SAG: variants seen among roughly 807,000 people sequenced by gnomAD.
SAG encodes the protein S-antigen visual arrestin.
Under a neutral mutation model 55.0 loss-of-function variants are expected in SAG, and 45 were observed. The observed-to-expected ratio is 0.82, with a 90% CI of 0.64 to 1.05. The LOEUF (loss-of-function observed/expected upper bound fraction) is 1.05. SAG is among the 50% of genes least tolerant of loss of function. The probability of loss-of-function intolerance (pLI) is 0.00; values close to 1 mark genes in which losing one functional copy is unlikely to be tolerated. For synonymous variants in SAG, 189 were observed against 197.4 expected, an observed-to-expected ratio of 0.96 and a Z score of 0.36; for missense variants, 455 against 512.1, an observed-to-expected ratio of 0.89 and a Z score of 1.08.
At chr2:233,324,745 T>A (rs1437569923) in intron 6 of SAG, among the ~76,000 whole-genome samples, 1 of 151,902 alleles carries the variant, frequency 6.6e-6, no homozygotes, top group Non-Finnish European at 1.5e-5. Context: ...AGCCACTGGG[T>A]CTGGGATTCA....
At chr2:233,338,429 G>T in intron 11 of SAG, 1 of 532,830 alleles carries the variant, frequency 1.9e-6, no homozygotes. Context: ...ACAGAGAAGG[G>T]GGTTGCATGC....
chr2:233,312,345 G>C (rs990103165), intron 2 of SAG, among the ~76,000 whole-genome samples: 1 of 152,074 alleles, frequency 6.6e-6, no homozygotes, highest in African/African-American at 2.4e-5. Flanking sequence ...TCCCCTTGCC[G>C]ATCCATTCTC....
rs1700114100 is a variant in SAG at position 233,312,872 on chromosome 2, C to A, written c.76-3203C>A. On this transcript the variant is annotated intron_variant, in intron 2 of 15. Coordinates refer to ENST00000409110, the MANE Select transcript of SAG (RefSeq NM_000541.5). Reference sequence around the variant, plus strand: ...TCCCCTCAGGCTTCCTCCCCACCAGCCTTTGCCCTGGCATTTATTCCAGGG... The same window carrying A: ...TCCCCTCAGGCTTCCTCCCCACCAGACTTTGCCCTGGCATTTATTCCAGGG... Among the ~76,000 whole-genome samples, 3 of 152,196 alleles carry A rather than the reference C, an allele frequency of 2.0e-5. 1 individual carries two copies. The South Asian group carries it at 6.2e-4, about 32-fold the overall frequency.
chr2:233,329,436 A>T (rs1283197463), intron 8 of SAG, 57 bp from the exon 9 acceptor site: 22 of 1,068,720 alleles, frequency 2.1e-5, no homozygotes, highest in Non-Finnish European at 2.5e-5. Context: ...AAGCAGTAAG[A>T]TTAAAGACAC....
Position 233,320,825 on chromosome 2 carries a change from TG to T in SAG, c.375+5del. 1 of 1,582,210 alleles carries T rather than the reference TG, an allele frequency of 6.3e-7. No individual in the cohort carries two copies. Among genetic ancestry groups the T allele is most frequent in the Non-Finnish European group, 8.6e-7 (1 of 1,164,310 alleles). ...AACACGTACCCCTTTCTCCTGACGG[TG>T]GGTGACTCCTCCGGCCAGCCCTGCT... On this transcript the variant is annotated splice_donor_region_variant and intron_variant, in intron 5 of 15. Transcript: ENST00000409110.
intron 7 of SAG, chr2:233,327,412 A>C: frequency 1.4e-5 from 6 of 442,932 alleles, no homozygotes; most frequent in East Asian, 3.5e-5. Flanking sequence ...TCCAGGGCTC[A>C]CGTAAGCCCC....
chr2:233,327,217 A>G lies in SAG; in HGVS notation c.512+20A>G. 6.2e-7 allele frequency: 1 copy of G among 1,602,430 alleles called. No individual in the cohort carries two copies. The highest frequency in any genetic ancestry group is 1.3e-5 in the African/African-American group (1 of 74,724). On this transcript the variant is annotated intron_variant, in intron 7 of 15. Transcript: ENST00000409110. Reference sequence around the variant, plus strand: ...CAAGAAGTAAGAGTATGGTTGCGGAATAGGTGAGGGGTCTGCGGTGGGGGT... The same window carrying G: ...CAAGAAGTAAGAGTATGGTTGCGGAGTAGGTGAGGGGTCTGCGGTGGGGGT...
chr2:233,323,711 C>A (rs1700459290), intron 6 of SAG, among the ~76,000 whole-genome samples: 1 of 152,002 alleles, frequency 6.6e-6, no homozygotes, highest in Non-Finnish European at 1.5e-5. Context: ...TTCAAACGTA[C>A]CCAAAAGTAG....
intron 10 of SAG, chr2:233,333,134 ATT>A (rs1700821118): frequency 6.6e-6 from 1 of 152,240 alleles, no homozygotes; most frequent in South Asian, 2.1e-4. Flanking sequence ...AGGAGAAACT[ATT>A]ACTGTTATTC....
rs749438509 is a variant in SAG, at chr2:233,319,153, AG to A, written c.181+360del. 2.3e-6 allele frequency: 1 copy of A among 438,542 alleles called. No homozygotes were observed. Among genetic ancestry groups the A allele is most frequent in the Non-Finnish European group, 4.4e-6 (1 of 228,100 alleles). 27.2% of individuals were successfully genotyped at this position (438,542 alleles called of 1,614,324 possible). ...GTGCCTGGGGTGCCTAGGACTCAGG[AG>A]GACACAAGACCTTGAATGAATGAGG... is the stretch of plus-strand genomic sequence containing the variant. On this transcript the variant is annotated intron_variant, in intron 4 of 15. Transcript: ENST00000409110. This position sits in a 1 kb window ranked among gnomAD's most constrained non-coding sequence, Gnocchi z 4.4.
Position 233,328,569 on chromosome 2 carries a change from A to C in SAG, c.604A>C (p.Met202Leu). The change falls in exon 8 of 16, where the codon ATG becomes CTG. Residue 202 changes from methionine to leucine, a missense_variant. Met to Leu is a conservative substitution (Grantham distance 15). Coordinates refer to ENST00000409110, the MANE Select transcript of SAG (RefSeq NM_000541.5). The part of the protein sequence containing the change: ...PRAEAAWQFF[M>L]SDKPLHLAVS... ...AGCTGAGGCGGCCTGGCAGTTCTTC[A>C]TGTCTGACAAGCCCCTGCACCTTGC... The C allele has an allele frequency of 6.2e-7, 1 of 1,613,880 alleles. No individual in the cohort carries two copies. The highest frequency in any genetic ancestry group is 1.3e-5 in the African/African-American group (1 of 75,046).
At chr2:233,317,706 C>T (rs1700249020) in intron 3 of SAG, among the ~76,000 whole-genome samples, 2 of 151,984 alleles carry the variant, frequency 1.3e-5, no homozygotes, top group Non-Finnish European at 2.9e-5. Context: ...ACCTAGATGC[C>T]CTAACAATAG....
intron 2 of SAG, among the ~76,000 whole-genome samples, chr2:233,310,415 T>A (rs1248105198): frequency 6.6e-6 from 1 of 152,088 alleles, no homozygotes; most frequent in African/African-American, 2.4e-5. Context: ...TTACAGAACA[T>A]GTCAATTTGG....
intron 10 of SAG, chr2:233,332,996 C>T (rs916136291): frequency 6.6e-6 from 1 of 150,976 alleles, no homozygotes; most frequent in Non-Finnish European, 1.5e-5. Flanking sequence ...AGGGTTTCAC[C>T]TGTTGGCCAG....
chr2:233,338,881 AG>A (rs1701016835), intron 12 of SAG, 128 bp downstream of exon 12: 1 of 793,728 alleles, frequency 1.3e-6, no homozygotes, highest in Non-Finnish European at 2.2e-6. Context: ...AGGATTACCA[AG>A]TAGAGCTTGG....
At chr2:233,334,938 TCTC>T (rs954257479) in intron 10 of SAG, 21 bp from the exon 11 acceptor site, 2 of 1,613,064 alleles carry the variant, frequency 1.2e-6, no homozygotes, top group Non-Finnish European at 1.7e-6. Context: ...TGGTTATAAA[TCTC>T]CTCTGTTCTT....
chr2:233,312,715 G>A (rs1456571022), intron 2 of SAG, among the ~76,000 whole-genome samples: 1 of 152,088 alleles, frequency 6.6e-6, no homozygotes, highest in Non-Finnish European at 1.5e-5. Context: ...CGGGGCCCCG[G>A]GCTTCGTATA....
chr2:233,318,719 A>C (rs1235448086), intron 3 of SAG, 32 bp from the exon 4 acceptor site: 1 of 1,603,660 alleles, frequency 6.2e-7, no homozygotes, highest in African/African-American at 1.3e-5. Context: ...CATCTTCTCC[A>C]CCCTCACTGC....
chr2:233,342,204 G>T (rs893220808), intron 13 of SAG, 67 bp from the exon 14 acceptor site: 1 of 1,200,036 alleles, frequency 8.3e-7, no homozygotes. Context: ...GCAGCCATAG[G>T]TCTTTGCTGT....
Sources: gnomAD v4.1 joint callset for allele counts (sites outside exome capture counted in the v4.1 genomes callset) on GRCh38, gnomAD v4.1.1 for gene constraint, Gnocchi (gnomAD v3.1) non-coding constraint, MANE v1.5 for transcripts, NCBI Gene and HGNC (gene_info 2026-07-23, HGNC 2026-07-21) for gene names.